The following CELF2 variants were observed in gnomAD, a reference collection of about 807,000 sequenced individuals.
The protein encoded by CELF2 is CUGBP Elav-like family member 2.
Under a neutral mutation model 62.6 loss-of-function variants are expected in CELF2, and 8 were observed. The ratio of observed to expected loss-of-function variants is 0.13; its 90% CI spans 0.07 to 0.23. The LOEUF is 0.23. CELF2 is among the 10% of genes least tolerant of loss of function. The probability of loss-of-function intolerance (pLI) is 1.00; values close to 1 mark genes in which losing one functional copy is unlikely to be tolerated. For synonymous variants in CELF2, 258 were observed against 250.0 expected (o/e 1.03, Z -0.30); for missense variants, 333 against 671.0 (o/e 0.50, Z 5.56).
At chr10:10,482,687 G>GC in the CELF2 span, among the ~76,000 whole-genome samples, 60 of 152,272 alleles carry the variant, frequency 3.9e-4, no homozygotes, top group African/African-American at 1.4e-3. Context: ...TGGAGAGACT[G>GC]CCCCTCCCAG....
In CELF2 at chr10:11,165,425, T is replaced by A. The variant is rs1243717506; in HGVS notation, c.75-61T>A. On this transcript the variant is annotated intron_variant, in intron 1 of 12. Transcript: ENST00000633077. This position sits in a 1 kb window ranked among gnomAD's most constrained non-coding sequence, Gnocchi z 7.4. ...CTCCCCGCTCCCCCACCCCCACTAT[T>A]TTTTCTTCCTGTCCCTCATCGTGCC... is the stretch of plus-strand genomic sequence containing the variant. 3 of 1,558,394 alleles carry A rather than the reference T, an allele frequency of 1.9e-6. No homozygotes were observed. The highest frequency in any genetic ancestry group is 2.3e-5 in the East Asian group (1 of 43,258).
At chr10:11,261,057 A>G (rs139493999) in intron 5 of CELF2, among the ~76,000 whole-genome samples, 86 of 152,368 alleles carry the variant, frequency 5.6e-4, no homozygotes, top group African/African-American at 2.0e-3. Context: ...TGCTCTGCAC[A>G]GTACCTTCTA....
rs966191532 is a variant in CELF2, at chr10:11,165,775, G to A, written c.271+93G>A. 10 of 1,237,186 alleles carry A rather than the reference G, an allele frequency of 8.1e-6. No individual in the cohort carries two copies. The highest frequency in any genetic ancestry group is 4.6e-5 in the African/African-American group (3 of 65,442). The allele number at this position is 1,237,186 out of a possible 1,614,324, so 76.6% of individuals were successfully genotyped here. ...GCCCCCAGCCTGCAGGAGGAAGGGCGGGTAGGCAGGAGGGCTGGAAGCAGC... is the reference window on the plus strand; with the variant it reads ...GCCCCCAGCCTGCAGGAGGAAGGGCAGGTAGGCAGGAGGGCTGGAAGCAGC... On this transcript the variant is annotated intron_variant, in intron 2 of 12. Transcript: ENST00000633077. This position sits in a 1 kb window ranked among gnomAD's most constrained non-coding sequence, Gnocchi z 7.4.
At chr10:10,930,915 G>A (rs558999672) in intron 2 of CELF2, among the ~76,000 whole-genome samples, 81 of 152,196 alleles carry the variant, frequency 5.3e-4, no homozygotes, top group Admixed American at 2.5e-3. Context: ...TTCAGATTTT[G>A]CTGTCCAATG....
At chr10:11,029,214 A>G (rs2059732357) in intron 1 of CELF2, among the ~76,000 whole-genome samples, 1 of 152,152 alleles carries the variant, frequency 6.6e-6, no homozygotes, top group Admixed American at 6.5e-5. Flanking sequence ...GGTTTGGGGT[A>G]TGGGTTATCT....
chr10:11,086,897 C>G (rs542696200), intron 1 of CELF2, among the ~76,000 whole-genome samples: 1 of 152,218 alleles, frequency 6.6e-6, no homozygotes, highest in African/African-American at 2.4e-5. Flanking sequence ...GATGGGGGAG[C>G]AACCACTGAG....
chr10:10,873,936 C>G (rs2060919961), intron 1 of CELF2, among the ~76,000 whole-genome samples: 1 of 152,166 alleles, frequency 6.6e-6, no homozygotes, highest in South Asian at 2.1e-4. Context: ...AAAAATACAG[C>G]TTTGATTGGG....
intron 1 of CELF2, among the ~76,000 whole-genome samples, chr10:10,840,159 G>T (rs1237150242): frequency 6.6e-6 from 1 of 152,156 alleles, no homozygotes; most frequent in African/African-American, 2.4e-5. Context: ...GAATAAATCT[G>T]CTGTAAATAT....
Position 11,165,290 on chromosome 10 carries a change from C to T in CELF2, c.75-196C>T. On this transcript the variant is annotated intron_variant, in intron 1 of 12. Transcript: ENST00000633077. This position sits in a 1 kb window ranked among gnomAD's most constrained non-coding sequence, Gnocchi z 7.4. ...GCTCGACAGCAGCACGCAGTGAGAGCCTCGCCGCCGCCGAGGAGCAACTCA... is the reference window on the plus strand; with the variant it reads ...GCTCGACAGCAGCACGCAGTGAGAGTCTCGCCGCCGCCGAGGAGCAACTCA... The T allele has an allele frequency of 2.9e-6, 4 of 1,397,192 alleles. No individual in the cohort carries two copies. The South Asian group carries it at 6.2e-5, about 22-fold the overall frequency. 86.5% of individuals were successfully genotyped at this position (1,397,192 alleles called of 1,614,324 possible).
chr10:11,103,684 T>G lies in CELF2; in HGVS notation c.75-61802T>G, dbSNP rs115889770. Among the ~76,000 whole-genome samples, 1,372 of 152,228 alleles carry G rather than the reference T, an allele frequency of 9.0e-3. 18 individuals carry two copies. Among genetic ancestry groups the G allele is most frequent in the African/African-American group, 0.032 (1,314 of 41,516 alleles). On this transcript the variant is annotated intron_variant, in intron 1 of 12. Transcript: ENST00000633077. ...TGTACCTGGCTCATGTTTGATTTGT[T>G]GTTGCAGGGGTGGTATTGGTTATAT...
At chr10:10,708,943 T>C in the CELF2 span, among the ~76,000 whole-genome samples, 1 of 152,168 alleles carries the variant, frequency 6.6e-6, no homozygotes, top group African/African-American at 2.4e-5. Flanking sequence ...GAAAAATGAA[T>C]GCGTCATTAT....
intron 1 of CELF2, among the ~76,000 whole-genome samples, chr10:11,079,799 T>C (rs2073438660): frequency 7.0e-6 from 1 of 143,576 alleles, no homozygotes; most frequent in Non-Finnish European, 1.5e-5. Flanking sequence ...AGAGAAGTTG[T>C]CACTCACCTT....
rs185472186 is a variant in CELF2 at position 11,274,893 on chromosome 10, C to T, written c.778-164C>T. Among the ~76,000 whole-genome samples, 155 of 152,312 alleles carry T rather than the reference C, an allele frequency of 1.0e-3. 1 individual carries two copies. The highest frequency in any genetic ancestry group is 3.6e-3 in the African/African-American group (149 of 41,564). On this transcript the variant is annotated intron_variant, in intron 7 of 12. Transcript: ENST00000633077. ...TTTATGTTTCTTAATAGAGATTGGA[C>T]ATGAATATGGATTTACAGCCCCAGC...
intron 11 of CELF2, among the ~76,000 whole-genome samples, chr10:11,323,726 G>A (rs2095576430): frequency 1.3e-5 from 2 of 152,192 alleles, no homozygotes; most frequent in African/African-American, 4.8e-5. Context: ...GAGTGTAACA[G>A]AGAATCTAAC....
At chr10:11,155,500 G>A (rs1326296780) in intron 1 of CELF2, among the ~76,000 whole-genome samples, 1 of 152,206 alleles carries the variant, frequency 6.6e-6, no homozygotes, top group East Asian at 1.9e-4. Context: ...GGGTTGAAGA[G>A]TTCTCCAGAG....
At chr10:10,846,058 T>G in intron 1 of CELF2, 5 of 979,716 alleles carry the variant, frequency 5.1e-6, no homozygotes, top group Non-Finnish European at 6.1e-6. Context: ...CCCCTTTCAT[T>G]GTAGACTTTT....
intron 1 of CELF2, among the ~76,000 whole-genome samples, chr10:11,101,717 G>A (rs1167636812): frequency 6.6e-6 from 1 of 152,132 alleles, no homozygotes; most frequent in East Asian, 1.9e-4. Flanking sequence ...TAGCACAACG[G>A]AAACACTTGT....
At chr10:11,289,669 G>T (rs765540574) in intron 9 of CELF2, among the ~76,000 whole-genome samples, 3 of 152,186 alleles carry the variant, frequency 2.0e-5, no homozygotes, top group Non-Finnish European at 2.9e-5. Context: ...ACTGTGTACA[G>T]TGTCTTCAAA....
chr10:11,087,069 A>C (rs1281326287), intron 1 of CELF2, among the ~76,000 whole-genome samples: 2 of 152,120 alleles, frequency 1.3e-5, no homozygotes, highest in African/African-American at 4.8e-5. Flanking sequence ...CAGTCTCTAG[A>C]TGGTGTTTGG....
Sources: gnomAD v4.1 joint callset for allele counts (sites outside exome capture counted in the v4.1 genomes callset) on GRCh38, gnomAD v4.1.1 for gene constraint, Gnocchi (gnomAD v3.1) non-coding constraint, MANE v1.5 for transcripts, NCBI Gene and HGNC (gene_info 2026-07-23, HGNC 2026-07-21) for gene names.